DTHD1: variants seen among roughly 807,000 people sequenced by gnomAD.
DTHD1 encodes death domain containing 1.
A neutral mutation model predicts 74.8 loss-of-function variants in DTHD1; 59 were observed. The ratio of observed to expected loss-of-function variants is 0.79; its 90% CI spans 0.64 to 0.98. The LOEUF is 0.98. Among genes scored for constraint, DTHD1 ranks in the 50% least tolerant of loss-of-function variants. The pLI is 0.00. For missense variants in DTHD1, 1,051 were observed against 1,065.4 expected (o/e 0.99, Z 0.19); for synonymous variants, 365 against 371.1 (o/e 0.98, Z 0.19).
rs1755550983 is a variant in DTHD1 at position 36,284,065 on chromosome 4, T to C, written c.361T>C (p.Cys121Arg). Residue 121 changes from cysteine to arginine, a missense_variant, in exon 2 of 10, where the codon TGT (cysteine) becomes CGT (arginine). Cys to Arg is a radical substitution (Grantham distance 180). Transcript: ENST00000639862. ...TCTAAAGAAAGAAGAAAAGGAGATT[T>C]GTAATTTATGCGGCATGCATGATGA... is the stretch of plus-strand genomic sequence containing the variant. The part of the protein sequence containing the change: ...ALLKKEEKEI[C>R]NLCGMHDECT... 2.6e-6 allele frequency: 4 copies of C among 1,537,094 alleles called. No individual in the cohort carries two copies. In the African/African-American group the frequency reaches 4.1e-5, roughly 16 times the overall value.
chr4:36,295,048 GT>G lies in DTHD1; in HGVS notation c.1643+12del. On this transcript the variant is annotated intron_variant, in intron 5 of 9. Coordinates refer to ENST00000639862, the MANE Select transcript of DTHD1 (RefSeq NM_001170700.3). ...CCTTCGTATTTCAACCGGTGAGTAA[GT>G]TTCTAATATTGTAAACTGGCTTAAT... The G allele has an allele frequency of 6.6e-7, 1 of 1,522,044 alleles. No homozygotes were observed. The allele number at this position is 1,522,044 out of a possible 1,614,324, so 94.3% of individuals were successfully genotyped here. A position where few individuals can be genotyped will look rare whatever the true frequency, so the allele number is the denominator to read the frequency against.
intron 8 of DTHD1, 67 bp downstream of exon 8, chr4:36,316,553 T>A: frequency 6.9e-7 from 1 of 1,444,142 alleles, no homozygotes; most frequent in African/African-American, 1.4e-5. Context: ...ACACAATCAG[T>A]TTTTCAGTCA....
At chr4:36,339,717 T>C (rs1578499471) in intron 9 of DTHD1, among the ~76,000 whole-genome samples, 1 of 152,342 alleles carries the variant, frequency 6.6e-6, no homozygotes, top group East Asian at 1.9e-4. Flanking sequence ...CAGTAGCTAC[T>C]AATGTGATAA....
Position 36,306,286 on chromosome 4 carries a change from T to G in DTHD1, c.1739T>G (p.Leu580Arg). 1.3e-6 allele frequency: 2 copies of G among 1,551,690 alleles called. No homozygotes were observed. Among genetic ancestry groups the G allele is most frequent in the Non-Finnish European group, 8.7e-7 (1 of 1,146,974 alleles). Residue 580 changes from leucine (L) to arginine (R), a missense_variant, in exon 6 of 10, where the codon CTT (leucine) becomes CGT (arginine). Transcript: ENST00000639862. ...FRSQDSGWCGLDDVVKTIQSG... is the reference protein window; with the variant it reads ...FRSQDSGWCGRDDVVKTIQSG... ...AGCCAAGACAGTGGTTGGTGTGGGC[T>G]TGATGATGTTGTGAAAACCATACAG...
chr4:36,294,864 T>C lies in DTHD1; in HGVS notation c.1468T>C (p.Ser490Pro). The C allele has an allele frequency of 1.3e-6, 2 of 1,551,790 alleles. No homozygotes were observed. The highest frequency in any genetic ancestry group is 2.4e-5 in the South Asian group (2 of 84,050). Residue 490 changes from serine to proline, a missense_variant, in exon 5 of 10, where the codon TCC (serine) becomes CCC (proline). Ser to Pro is a moderately conservative substitution (Grantham distance 74). Coordinates refer to ENST00000639862, the MANE Select transcript of DTHD1 (RefSeq NM_001170700.3). ...AQQDTFYSVQ[S>P]TSPLIHIQHP... ...GCAAGATACTTTCTACTCAGTCCAATCCACAAGCCCTCTGATTCACATTCA... is the reference window on the plus strand; with the variant it reads ...GCAAGATACTTTCTACTCAGTCCAACCCACAAGCCCTCTGATTCACATTCA...
chr4:36,323,047 G>C (rs1009884706), intron 8 of DTHD1, among the ~76,000 whole-genome samples: 9 of 152,196 alleles, frequency 5.9e-5, no homozygotes, highest in African/African-American at 9.7e-5. Context: ...TGTTTTGAAG[G>C]AAAGAAGGGC....
At chr4:36,324,226 T>C (rs1272922477) in intron 8 of DTHD1, among the ~76,000 whole-genome samples, 1 of 151,916 alleles carries the variant, frequency 6.6e-6, no homozygotes, top group East Asian at 1.9e-4. Context: ...CTGCACCTTC[T>C]TTTTCCTGTC....
chr4:36,316,516 A>C (rs1313614093), intron 8 of DTHD1, 30 bp downstream of exon 8: 1 of 1,521,660 alleles, frequency 6.6e-7, no homozygotes, highest in Non-Finnish European at 8.8e-7. Context: ...TAATTACTAC[A>C]TTTTGTTAAT....
Position 36,290,376 on chromosome 4 carries a change from T to A in DTHD1, c.891T>A (p.Tyr297Ter), listed in dbSNP as rs1755993599. Residue 297 changes from tyrosine to a stop codon, truncating the protein, a stop_gained, in exon 3 of 10, where the codon TAT becomes TAA. Transcript: ENST00000639862. LOFTEE classifies it high-confidence loss of function. ...KHKNNIMEKE[Y>*]LDVLSDVTGP... is the part of the protein sequence containing the mutation. The stretch of plus-strand genomic sequence containing the variant: ...GACATTCTTTTTCCCCCTCCAGGTA[T>A]CTTGATGTGCTGAGTGATGTTACTG... The A allele has an allele frequency of 1.3e-6, 2 of 1,544,662 alleles. No individual in the cohort carries two copies. Among genetic ancestry groups the A allele is most frequent in the South Asian group, 2.4e-5 (2 of 83,696 alleles).
rs1759460636 is a variant in DTHD1, at chr4:36,343,817, C to A, written c.2714C>A (p.Pro905His). ...TEPQQCFDVAPE is the reference protein window; with the variant it reads ...TEPQQCFDVAHE Reference sequence around the variant, plus strand: ...CCACAGCAGTGTTTTGATGTAGCCCCTGAGTAAAAGCCTGATCTCTCTTCC... The same window carrying A: ...CCACAGCAGTGTTTTGATGTAGCCCATGAGTAAAAGCCTGATCTCTCTTCC... The change falls in exon 10 of 10, where the codon CCT becomes CAT. Residue 905 changes from proline to histidine, a missense_variant. Transcript: ENST00000639862. The A allele has an allele frequency of 6.5e-7, 1 of 1,545,132 alleles. No homozygotes were observed. Among genetic ancestry groups the A allele is most frequent in the Admixed American group, 2.0e-5 (1 of 50,816 alleles).
Position 36,290,716 on chromosome 4 carries a change from T to C in DTHD1, c.1218+13T>C. On this transcript the variant is annotated intron_variant, in intron 3 of 9. Transcript: ENST00000639862. ...GGGAGGTTATAAGGTTAGTAAATTC[T>C]TGGCTATATCTACATTTGCTGTTTG... 6.6e-7 allele frequency: 1 copy of C among 1,522,928 alleles called. No individual in the cohort carries two copies. The highest frequency in any genetic ancestry group is 8.8e-7 in the Non-Finnish European group (1 of 1,137,718). The allele number at this position is 1,522,928 out of a possible 1,614,324, so 94.3% of individuals were successfully genotyped here.
chr4:36,288,657 C>G (rs1755864738), intron 2 of DTHD1, among the ~76,000 whole-genome samples: 1 of 152,164 alleles, frequency 6.6e-6, no homozygotes, highest in Admixed American at 6.5e-5. Context: ...TTCTGTTCCA[C>G]TGGTCTATGT....
chr4:36,286,295 T>C (rs1361013812), intron 2 of DTHD1, among the ~76,000 whole-genome samples: 4 of 152,204 alleles, frequency 2.6e-5, no homozygotes, highest in African/African-American at 9.6e-5. Flanking sequence ...TAATGAGTCA[T>C]TGCCTGAACT....
intron 5 of DTHD1, 81 bp downstream of exon 5, chr4:36,295,120 T>C (rs976590543): frequency 3.7e-6 from 5 of 1,337,212 alleles, no homozygotes; most frequent in Non-Finnish European, 4.9e-6. Flanking sequence ...GTCAAATGCC[T>C]TGTATTTAAA....
In DTHD1 at chr4:36,343,861, C is replaced by G. The variant is rs148599548; in HGVS notation, c.*37C>G. On this transcript the variant is annotated 3_prime_UTR_variant, in exon 10 of 10. Transcript: ENST00000639862. ...CTCTTCCTTTACCCCTAGGAAAAGG[C>G]ACACGGTGGGTTTTTGTTTCTGTCA... The G allele has an allele frequency of 1.9e-4, 284 of 1,481,484 alleles. 5 individuals are homozygous for G. The African/African-American group carries it at 3.7e-3, about 19-fold the overall frequency. The allele number at this position is 1,481,484 out of a possible 1,614,324, so 91.8% of individuals were successfully genotyped here.
Position 36,308,228 on chromosome 4 carries a change from C to T in DTHD1, c.1830C>T (p.Ser610=), listed in dbSNP as rs554575267. The T allele has an allele frequency of 6.4e-7, 1 of 1,552,282 alleles. No individual in the cohort carries two copies. The highest frequency in any genetic ancestry group is 8.7e-7 in the Non-Finnish European group (1 of 1,147,102). ...LERFIVLHLS[S]TMDNSHLVTF... Reference sequence around the variant, plus strand: ...GGTTTATTGTACTTCACCTCTCTTCCACCATGGACAATAGTCATTTGGTTA... The same window carrying T: ...GGTTTATTGTACTTCACCTCTCTTCTACCATGGACAATAGTCATTTGGTTA... Residue 610 remains serine (S), a synonymous_variant, in exon 7 of 10, where the codon TCC becomes TCT. Coordinates refer to ENST00000639862, the MANE Select transcript of DTHD1 (RefSeq NM_001170700.3).
chr4:36,289,359 T>C (rs1404843429), intron 2 of DTHD1, among the ~76,000 whole-genome samples: 1 of 152,190 alleles, frequency 6.6e-6, no homozygotes, highest in Non-Finnish European at 1.5e-5. Flanking sequence ...ATGAATTAGA[T>C]ATTAGTTTCA....
At chr4:36,315,418 A>G (rs1218184732) in intron 7 of DTHD1, among the ~76,000 whole-genome samples, 4 of 152,244 alleles carry the variant, frequency 2.6e-5, no homozygotes, top group African/African-American at 9.6e-5. Flanking sequence ...AATGTTTTAT[A>G]TCTGTGCTGT....
chr4:36,316,554 T>G, intron 8 of DTHD1, 68 bp downstream of exon 8: 2 of 1,439,980 alleles, frequency 1.4e-6, no homozygotes, highest in Non-Finnish European at 1.9e-6. Flanking sequence ...CACAATCAGT[T>G]TTTCAGTCAT....
Sources: gnomAD v4.1 joint callset for allele counts (sites outside exome capture counted in the v4.1 genomes callset) on GRCh38, gnomAD v4.1.1 for gene constraint, MANE v1.5 for transcripts, NCBI Gene and HGNC (gene_info 2026-07-23, HGNC 2026-07-21) for gene names.